Variants in TCEA1 observed in about 807,000 individuals in gnomAD.
TCEA1 encodes transcription elongation factor A protein 1.
In TCEA1, 21 loss-of-function variants were observed where a neutral mutation model predicts 43.8. The ratio of observed to expected loss-of-function variants is 0.48; its 90% CI spans 0.34 to 0.69. TCEA1 has a LOEUF of 0.69. Among genes scored for constraint, TCEA1 ranks in the 30% least tolerant of loss-of-function variants. TCEA1 has a pLI of 0.01. For synonymous variants in TCEA1, 104 were observed against 117.5 expected, an observed-to-expected ratio of 0.88 and a Z score of 0.75; for missense variants, 250 against 365.1, an observed-to-expected ratio of 0.68 and a Z score of 2.57.
At chr8:54,021,353 A>G (rs984487910) in intron 1 of TCEA1, among the ~76,000 whole-genome samples, 1 of 152,248 alleles carries the variant, frequency 6.6e-6, no homozygotes, top group African/African-American at 2.4e-5. Context: ...TGCCACCAGT[A>G]TTAACTGTAA....
At chr8:53,972,734 T>C (rs1291252432) in intron 8 of TCEA1, 1 of 693,002 alleles carries the variant, frequency 1.4e-6, no homozygotes, top group Non-Finnish European at 2.8e-6. Flanking sequence ...AACTGAGAGG[T>C]TATCAACTCA....
Position 54,004,397 on chromosome 8 carries a change from TAAAC to T in TCEA1, c.127-4351_127-4348del, listed in dbSNP as rs559951704. On this transcript the variant is annotated intron_variant, in intron 2 of 9. Transcript: ENST00000521604. The stretch of plus-strand genomic sequence containing the variant: ...CTAAACGCATCACCTGACAAATGGA[TAAAC>T]AACATGTGAAATATCCATGCAACTG... Among the ~76,000 whole-genome samples, 10 of 152,250 alleles carry T rather than the reference TAAAC, an allele frequency of 6.6e-5. No homozygotes were observed. In the East Asian group the frequency reaches 1.5e-3, roughly 23 times the overall value.
chr8:53,972,984 A>C (rs898796512), intron 8 of TCEA1: 1 of 667,206 alleles, frequency 1.5e-6, no homozygotes, highest in African/African-American at 1.8e-5. Context: ...CAATGGTGGA[A>C]ATCACTTGGG....
At chr8:53,983,489 A>C (rs1803582792) in intron 7 of TCEA1, among the ~76,000 whole-genome samples, 1 of 152,224 alleles carries the variant, frequency 6.6e-6, no homozygotes, top group South Asian at 2.1e-4. Flanking sequence ...CCCTGTAAAA[A>C]TTTAAGAAAT....
Position 53,993,767 on chromosome 8 carries a change from G to C in TCEA1, c.233-12C>G. 6.2e-7 allele frequency: 1 copy of C among 1,605,828 alleles called. No individual in the cohort carries two copies. Among genetic ancestry groups the C allele is most frequent in the South Asian group, 1.1e-5 (1 of 89,342 alleles). On this transcript the variant is annotated splice_polypyrimidine_tract_variant and intron_variant, in intron 3 of 9. Coordinates refer to ENST00000521604, the MANE Select transcript of TCEA1 (RefSeq NM_006756.4). ...AGTTGATGGCCCATCTGAAAATTAT[G>C]AAATCTCTTAAGTTGCTAGCATTTG...
At position 53,992,955 on chromosome 8, in the gene TCEA1, C is replaced by CT. The variant is rs34864863; in HGVS notation, c.320+712dup. Among the ~76,000 whole-genome samples the CT allele has an allele frequency of 6.0e-3, 821 of 136,234 alleles. 1 individual carries two copies. Among genetic ancestry groups the CT allele is most frequent in the Middle Eastern group, 0.019 (5 of 270 alleles). The allele number at this position is 136,234 out of a possible 152,430, so 89.4% of individuals were successfully genotyped here. A position where few individuals can be genotyped will look rare whatever the true frequency, so the allele number is the denominator to read the frequency against. On this transcript the variant is annotated intron_variant, in intron 4 of 9. Transcript: ENST00000521604. ...CATTTTAAGTTCTTATAACAAATGG[C>CT]TTTTTTTTTTTTTTTAAGATAAGGT...
chr8:54,002,528 G>C (rs906990722), intron 2 of TCEA1, among the ~76,000 whole-genome samples: 3 of 148,078 alleles, frequency 2.0e-5, no homozygotes, highest in African/African-American at 7.5e-5. Flanking sequence ...ACAAAGATTT[G>C]AAATAAGTTT....
intron 8 of TCEA1, chr8:53,973,253 G>T (rs1412811042): frequency 6.3e-6 from 3 of 479,702 alleles, no homozygotes; most frequent in Non-Finnish European, 1.2e-5. Flanking sequence ...CAAAGAAAAT[G>T]ATATGGAAAT....
chr8:54,008,172 C>CAA (rs777634895), intron 2 of TCEA1, among the ~76,000 whole-genome samples: 1,102 of 39,882 alleles, frequency 0.028, 2 homozygotes, highest in Non-Finnish European at 0.034. Flanking sequence ...AACTGTGTCT[C>CAA]AAAAAAAAAA....
intron 3 of TCEA1, among the ~76,000 whole-genome samples, chr8:53,997,874 A>G (rs1382548218): frequency 6.6e-6 from 1 of 152,218 alleles, no homozygotes; most frequent in Non-Finnish European, 1.5e-5. Flanking sequence ...TTTCAACACA[A>G]AACAAAAAAA....
intron 2 of TCEA1, among the ~76,000 whole-genome samples, chr8:54,008,480 A>G (rs1157365664): frequency 5.4e-5 from 8 of 148,642 alleles, no homozygotes; most frequent in Admixed American, 1.3e-4. Flanking sequence ...CCCCGTCTCT[A>G]AAAAAAAAAA....
At chr8:53,972,244 A>C (rs777197372) in intron 8 of TCEA1, 25 of 358,936 alleles carry the variant, frequency 7.0e-5, no homozygotes, top group Middle Eastern at 7.6e-4. Context: ...GAATCTAAAA[A>C]TGAAATTACA....
rs1206270685 is a variant in TCEA1 at position 53,984,524 on chromosome 8, G to C, written c.524-7C>G. 6.5e-7 allele frequency: 1 copy of C among 1,545,050 alleles called. No individual in the cohort carries two copies. ...CTTATTTCTTGATATATAGGTACCAGGCCGTTAAGGAAAAAAGGCAAAATT... is the reference window on the plus strand; with the variant it reads ...CTTATTTCTTGATATATAGGTACCACGCCGTTAAGGAAAAAAGGCAAAATT... On this transcript the variant is annotated splice_region_variant and splice_polypyrimidine_tract_variant and intron_variant, in intron 6 of 9. Coordinates refer to ENST00000521604, the MANE Select transcript of TCEA1 (RefSeq NM_006756.4).
At chr8:53,968,734 CAG>C (rs1803065094) in intron 9 of TCEA1, among the ~76,000 whole-genome samples, 2 of 151,994 alleles carry the variant, frequency 1.3e-5, no homozygotes, top group Non-Finnish European at 2.9e-5. Flanking sequence ...AAGGCTGAGA[CAG>C]GGGAATCTCT....
intron 4 of TCEA1, among the ~76,000 whole-genome samples, chr8:53,992,656 A>AG (rs1803917186): frequency 6.6e-6 from 1 of 152,200 alleles, no homozygotes; most frequent in Non-Finnish European, 1.5e-5. Flanking sequence ...CTGATTCAGT[A>AG]GTTACAGGAC....
In TCEA1 at chr8:54,007,690, C is replaced by T. The variant is rs189963867; in HGVS notation, c.126+2740G>A. On this transcript the variant is annotated intron_variant, in intron 2 of 9. Transcript: ENST00000521604. ...TCAGTTAGCCATTAATGAAAATAAA[C>T]GTGACTTTTTTTCTCAATCATGTTC... Among the ~76,000 whole-genome samples, 623 of 152,210 alleles carry T rather than the reference C, an allele frequency of 4.1e-3. 4 individuals carry two copies. The highest frequency in any genetic ancestry group is 0.014 in the African/African-American group (592 of 41,526).
At position 53,995,724 on chromosome 8, in the gene TCEA1, T is replaced by G. The variant is rs184615610; in HGVS notation, c.233-1969A>C. Among the ~76,000 whole-genome samples, 375 of 152,320 alleles carry G rather than the reference T, an allele frequency of 2.5e-3. 7 individuals carry two copies. Among genetic ancestry groups the G allele is most frequent in the African/African-American group, 8.4e-3 (349 of 41,586 alleles). Reference sequence around the variant, plus strand: ...ACCAGATCCATTCAATCCAAATCTCTGGCAGTGAGGCGCAAGCATCATTAT... The same window carrying G: ...ACCAGATCCATTCAATCCAAATCTCGGGCAGTGAGGCGCAAGCATCATTAT... On this transcript the variant is annotated intron_variant, in intron 3 of 9. Transcript: ENST00000521604.
In TCEA1 at chr8:54,010,219, C is replaced by A. The variant is rs144714499; in HGVS notation, c.126+211G>T. The A allele has an allele frequency of 7.1e-4, 306 of 431,186 alleles. 2 individuals carry two copies. In the East Asian group the frequency reaches 0.013, roughly 18 times the overall value. The allele number at this position is 431,186 out of a possible 1,614,324, so 26.7% of individuals were successfully genotyped here. On this transcript the variant is annotated intron_variant, in intron 2 of 9. Transcript: ENST00000521604. ...ACTGCTACTGCCAACTTTAGAGATT[C>A]AGGTTTTATTCTCCTTAAGAAAGGC...
intron 3 of TCEA1, among the ~76,000 whole-genome samples, chr8:53,995,425 C>T (rs1360272223): frequency 6.6e-6 from 1 of 152,150 alleles, no homozygotes; most frequent in Non-Finnish European, 1.5e-5. Flanking sequence ...CACCACTGCA[C>T]TCCAGCCTGG....
Sources: allele counts gnomAD v4.1 joint callset (sites outside exome capture counted in the v4.1 genomes callset), GRCh38; gene constraint gnomAD v4.1.1; transcripts MANE v1.5; gene names NCBI Gene and HGNC (gene_info 2026-07-23, HGNC 2026-07-21).